The following NECTIN1 variants were observed in gnomAD, a reference collection of about 807,000 sequenced individuals.
NECTIN1 encodes the protein nectin-1.
In NECTIN1, 23 loss-of-function variants were observed where a neutral mutation model predicts 48.0. The ratio of observed to expected loss-of-function variants is 0.48; its 90% CI spans 0.34 to 0.68. The LOEUF (loss-of-function observed/expected upper bound fraction) is 0.68. NECTIN1 is among the 30% of genes least tolerant of loss of function. The pLI is 0.01. For synonymous variants in NECTIN1, 270 were observed against 288.9 expected (o/e 0.93, Z 0.66); for missense variants, 591 against 709.9 (o/e 0.83, Z 1.90).
chr11:119,675,427 G>C, intron 4 of NECTIN1, 117 bp from the exon 5 acceptor site: 1 of 983,596 alleles, frequency 1.0e-6, no homozygotes, highest in Non-Finnish European at 1.6e-6. Flanking sequence ...GTGTGGTAGA[G>C]TCTGTCTTTG....
At chr11:119,638,307 C>A (rs1050481058) in intron 7 of NECTIN1, 2 of 1,598,722 alleles carry the variant, frequency 1.3e-6, no homozygotes, top group South Asian at 2.2e-5. Flanking sequence ...CCAGGTGGCC[C>A]TCATGGACTC....
chr11:119,674,468 C>T, intron 5 of NECTIN1: 1 of 1,605,140 alleles, frequency 6.2e-7, no homozygotes, highest in Non-Finnish European at 8.5e-7. Flanking sequence ...AGAATTCTGA[C>T]AACAGCCCTT....
downstream of NECTIN1, among the ~76,000 whole-genome samples, chr11:119,657,844 C>T (rs77224305): frequency 6.4e-3 from 923 of 144,842 alleles, 8 homozygotes; most frequent in African/African-American, 0.022. Context: ...TTGCTTGAGC[C>T]CAGGAGGTCG....
chr11:119,660,211 C>T (rs902210874), downstream of NECTIN1, among the ~76,000 whole-genome samples: 7 of 151,906 alleles, frequency 4.6e-5, no homozygotes, highest in East Asian at 1.2e-3. Context: ...CTACTGGGTG[C>T]GGGGGGTGAC....
chr11:119,728,796 C>T lies in NECTIN1; in HGVS notation c.-243G>A, dbSNP rs1212104467. 1.7e-5 allele frequency: 7 copies of T among 405,968 alleles called. No homozygotes were observed. Among genetic ancestry groups the T allele is most frequent in the East Asian group, 7.6e-5 (2 of 26,460 alleles). The allele number at this position is 405,968 out of a possible 1,614,324, so 25.1% of individuals were successfully genotyped here. On this transcript the variant is annotated 5_prime_UTR_variant, in exon 1 of 6. Coordinates refer to ENST00000264025, the MANE Select transcript of NECTIN1 (RefSeq NM_002855.5). The stretch of plus-strand genomic sequence containing the variant: ...CCGCCGCAAGTTGCACGAGTCATGC[C>T]CCTTCGCCTCCTCCGCTCTCCTCCC...
Position 119,677,792 on chromosome 11 carries a change from T to G in NECTIN1, c.496A>C (p.Lys166Gln), listed in dbSNP as rs993819055. Residue 166 changes from lysine (K) to glutamine (Q), a missense_variant, in exon 3 of 6, where the codon AAG (lysine) becomes CAG (glutamine). Transcript: ENST00000264025. The surrounding 1 kb of genome is among the most constrained non-coding windows in gnomAD (Gnocchi z 5.4). ...VLRAKKGQDD[K>Q]VLVATCTSAN... ...GAGGTGCAGGTGGCCACCAGGACCT[T>G]GTCATCCTGCCCCTTCTTGGCTCGA... is the stretch of plus-strand genomic sequence containing the variant. 4 of 1,613,994 alleles carry G rather than the reference T, an allele frequency of 2.5e-6. No individual in the cohort carries two copies. Among genetic ancestry groups the G allele is most frequent in the Non-Finnish European group, 3.4e-6 (4 of 1,180,002 alleles).
chr11:119,643,830 T>G (rs1555074327), intron 5 of NECTIN1, among the ~76,000 whole-genome samples: 1 of 151,110 alleles, frequency 6.6e-6, no homozygotes. Context: ...TGTCGGGGGG[T>G]GGGGGTGGGG....
Position 119,705,095 on chromosome 11 carries a change from C to T in NECTIN1, c.79+23380G>A, listed in dbSNP as rs76570397. Among the ~76,000 whole-genome samples the T allele has an allele frequency of 3.9e-3, 587 of 152,268 alleles. 7 individuals are homozygous for T. The East Asian group carries it at 0.048, about 13-fold the overall frequency. ...CTCTACGGGAGGCCAGCCCACATCA[C>T]AGGCCAGGGTGGAACCATAAGGGAG... On this transcript the variant is annotated intron_variant, in intron 1 of 5. Transcript: ENST00000264025.
chr11:119,688,754 A>G (rs12420760), intron 1 of NECTIN1, among the ~76,000 whole-genome samples: 7,693 of 152,210 alleles, frequency 0.051, 301 homozygotes, highest in Admixed American at 0.11. Flanking sequence ...GTCCAGGGAC[A>G]GAGGGTCCAG....
At chr11:119,691,988 G>A (rs1865262224) in intron 1 of NECTIN1, among the ~76,000 whole-genome samples, 1 of 152,192 alleles carries the variant, frequency 6.6e-6, no homozygotes, top group Non-Finnish European at 1.5e-5. Context: ...GGCATGTGGG[G>A]TGAGGGGCCT....
chr11:119,676,852 A>C, intron 4 of NECTIN1: 3 of 539,892 alleles, frequency 5.6e-6, no homozygotes, highest in Non-Finnish European at 3.4e-6. Context: ...GAGGGAGGGA[A>C]GCAGATCACA....
At chr11:119,719,639 A>T (rs1359631089) in intron 1 of NECTIN1, among the ~76,000 whole-genome samples, 4 of 152,208 alleles carry the variant, frequency 2.6e-5, no homozygotes, top group Non-Finnish European at 5.9e-5. Flanking sequence ...GTGTGTTATT[A>T]TTATCCTCAT....
At chr11:119,694,409 G>T (rs1865309773) in intron 1 of NECTIN1, among the ~76,000 whole-genome samples, 1 of 152,182 alleles carries the variant, frequency 6.6e-6, no homozygotes, top group South Asian at 2.1e-4. Context: ...TGGTTACAAA[G>T]ACCCTGCCTC....
rs1049671526 is a variant in NECTIN1 at position 119,709,748 on chromosome 11, G to A, written c.79+18727C>T. Among the ~76,000 whole-genome samples the A allele has an allele frequency of 6.6e-6, 1 of 152,166 alleles. No homozygotes were observed. The highest frequency in any genetic ancestry group is 2.4e-5 in the African/African-American group (1 of 41,428). Reference sequence around the variant, plus strand: ...AGCTTTATTTTAACTCCGGGTTTGTGGAGAGAGGGCAGGACGAGGCGGAGC... The same window carrying A: ...AGCTTTATTTTAACTCCGGGTTTGTAGAGAGAGGGCAGGACGAGGCGGAGC... On this transcript the variant is annotated intron_variant, in intron 1 of 5. Coordinates refer to ENST00000264025, the MANE Select transcript of NECTIN1 (RefSeq NM_002855.5). The surrounding 1 kb of genome is among the most constrained non-coding windows in gnomAD (Gnocchi z 4.1).
Position 119,672,713 on chromosome 11 carries a change from C to T in NECTIN1, c.1003+2446G>A, listed in dbSNP as rs1184420201. The stretch of plus-strand genomic sequence containing the variant: ...TGGCCAACAGAGAGAAGGCCTTGCT[C>T]CTTCCTCCCTGCCCACTCTGCTCCA... On this transcript the variant is annotated intron_variant, in intron 5 of 5. Transcript: ENST00000264025. This position sits in a 1 kb window ranked among gnomAD's most constrained non-coding sequence, Gnocchi z 4.3. Among the ~76,000 whole-genome samples the T allele has an allele frequency of 1.3e-5, 2 of 152,208 alleles. No individual in the cohort carries two copies. Among genetic ancestry groups the T allele is most frequent in the African/African-American group, 2.4e-5 (1 of 41,438 alleles).
chr11:119,665,599 A>C lies in NECTIN1; in HGVS notation c.1004-302T>G, dbSNP rs1808610833. Among the ~76,000 whole-genome samples, 1 of 152,070 alleles carries C rather than the reference A, an allele frequency of 6.6e-6. No homozygotes were observed. The highest frequency in any genetic ancestry group is 2.1e-4 in the South Asian group (1 of 4,818). ...TGCTGGCCCAGCTCAATCCCTATTCATGGTGCAGTGAGACACGTGTGCCAG... is the reference window on the plus strand; with the variant it reads ...TGCTGGCCCAGCTCAATCCCTATTCCTGGTGCAGTGAGACACGTGTGCCAG... On this transcript the variant is annotated intron_variant, in intron 5 of 5. Transcript: ENST00000264025. This position sits in a 1 kb window ranked among gnomAD's most constrained non-coding sequence, Gnocchi z 5.1.
intron 1 of NECTIN1, among the ~76,000 whole-genome samples, chr11:119,693,651 T>TGGG (rs1865299023): frequency 6.6e-6 from 1 of 152,120 alleles, no homozygotes. Context: ...CTCCCTGAGT[T>TGGG]GGGGCACTGG....
rs1864278933 is a variant in NECTIN1 at position 119,638,923 on chromosome 11, C to G, written c.1152-117G>C. 8.9e-6 allele frequency: 8 copies of G among 900,382 alleles called. No individual in the cohort carries two copies. In the South Asian group the frequency reaches 1.1e-4, roughly 13 times the overall value. 55.8% of individuals were successfully genotyped at this position (900,382 alleles called of 1,614,324 possible). On this transcript the variant is annotated intron_variant, in intron 6 of 7. Transcript: ENST00000341398. The stretch of plus-strand genomic sequence containing the variant: ...ACTCACAAGAGCAGGCCCGGGAGCT[C>G]TGCTTCCCAGGCAGCCTCCTGAGAG...
chr11:119,652,674 C>T (rs117726489), intron 5 of NECTIN1, among the ~76,000 whole-genome samples: 4 of 152,252 alleles, frequency 2.6e-5, no homozygotes, highest in Non-Finnish European at 5.9e-5. Flanking sequence ...GATAAAAGGA[C>T]GGATGGCACC....
Sources: allele counts gnomAD v4.1 joint callset (sites outside exome capture counted in the v4.1 genomes callset), GRCh38; gene constraint gnomAD v4.1.1; non-coding constraint Gnocchi (gnomAD v3.1); transcripts MANE v1.5; gene names NCBI Gene and HGNC (gene_info 2026-07-23, HGNC 2026-07-21).